AGBL4: variants seen among roughly 807,000 people sequenced by gnomAD.
AGBL4 encodes cytosolic carboxypeptidase 6.
A neutral mutation model predicts 66.4 loss-of-function variants in AGBL4; 58 were observed. The ratio of observed to expected loss-of-function variants is 0.87; its 90% CI spans 0.71 to 1.09. AGBL4 has a LOEUF of 1.09. Ranked by LOEUF, AGBL4 falls within the 50% of genes least tolerant of loss-of-function variation. The pLI is 0.00. For missense variants in AGBL4, 579 were observed against 631.0 expected (o/e 0.92, Z 0.88); for synonymous variants, 234 against 222.9 (o/e 1.05, Z -0.44).
intron 3 of AGBL4, among the ~76,000 whole-genome samples, chr1:49,422,422 G>A (rs768591786): frequency 7.9e-5 from 12 of 152,070 alleles, no homozygotes; most frequent in Non-Finnish European, 1.6e-4. Context: ...TCTGAATAAA[G>A]TTCTCAACTA....
At chr1:49,208,892 C>A (rs1382043084) in intron 4 of AGBL4, among the ~76,000 whole-genome samples, 1 of 151,990 alleles carries the variant, frequency 6.6e-6, no homozygotes, top group Non-Finnish European at 1.5e-5. Flanking sequence ...TATACGCAAA[C>A]ACACACACAA....
intron 6 of AGBL4, among the ~76,000 whole-genome samples, chr1:48,770,018 G>GA (rs1644733408): frequency 6.6e-6 from 1 of 152,056 alleles, no homozygotes; most frequent in Admixed American, 6.6e-5. Flanking sequence ...AAATACCCCT[G>GA]ACCTGCTTGC....
intron 5 of AGBL4, among the ~76,000 whole-genome samples, chr1:48,935,312 G>A (rs1213416760): frequency 2.6e-5 from 4 of 152,118 alleles, no homozygotes; most frequent in Admixed American, 2.6e-4. Context: ...TCCCTTACCA[G>A]AGTGTCTTTA....
At chr1:48,523,530 G>A in the AGBL4 span, among the ~76,000 whole-genome samples, 2 of 152,186 alleles carry the variant, frequency 1.3e-5, no homozygotes, top group Admixed American at 6.5e-5. Flanking sequence ...CTGGGTTAGT[G>A]CTCTTTCAAC....
chr1:49,739,426 T>C (rs905419289), intron 2 of AGBL4, among the ~76,000 whole-genome samples: 5 of 152,334 alleles, frequency 3.3e-5, no homozygotes, highest in Middle Eastern at 3.4e-3. Context: ...AATCTACGTC[T>C]GATTGGTGTA....
intron 3 of AGBL4, among the ~76,000 whole-genome samples, chr1:49,282,885 C>T (rs563994627): frequency 4.6e-5 from 7 of 152,182 alleles, no homozygotes; most frequent in East Asian, 1.9e-4. Flanking sequence ...CATGGAGTCT[C>T]GCTGACTGCT....
chr1:49,174,167 A>AT (rs1445758706), intron 4 of AGBL4, among the ~76,000 whole-genome samples: 2 of 152,138 alleles, frequency 1.3e-5, no homozygotes, highest in African/African-American at 4.8e-5. Flanking sequence ...AATGAAGTTA[A>AT]TTTTTTTAAA....
chr1:49,550,137 C>T (rs1036163205), intron 3 of AGBL4, among the ~76,000 whole-genome samples: 28 of 152,220 alleles, frequency 1.8e-4, no homozygotes, highest in African/African-American at 6.7e-4. Context: ...GCATGAAATG[C>T]CTTTTTCCAT....
chr1:49,804,928 T>C (rs1357487890), intron 2 of AGBL4, among the ~76,000 whole-genome samples: 1 of 152,200 alleles, frequency 6.6e-6, no homozygotes, highest in Non-Finnish European at 1.5e-5. Context: ...TTCCTGTTTC[T>C]TGGGTTGAAT....
At chr1:49,109,681 T>A (rs1645366661) in intron 4 of AGBL4, among the ~76,000 whole-genome samples, 1 of 152,196 alleles carries the variant, frequency 6.6e-6, no homozygotes, top group African/African-American at 2.4e-5. Context: ...GTGCCAGCAA[T>A]ACCATGGCTT....
intron 4 of AGBL4, among the ~76,000 whole-genome samples, chr1:49,157,408 G>T (rs1011764412): frequency 2.0e-5 from 3 of 152,096 alleles, no homozygotes; most frequent in Non-Finnish European, 4.4e-5. Context: ...CAAAGGACAT[G>T]ACCTCATCCT....
Position 49,846,671 on chromosome 1 carries a change from C to T in AGBL4, c.157+4725G>A, listed in dbSNP as rs149514628. Among the ~76,000 whole-genome samples, 318 of 152,116 alleles carry T rather than the reference C, an allele frequency of 2.1e-3. 1 individual carries two copies. The highest frequency in any genetic ancestry group is 7.5e-3 in the African/African-American group (310 of 41,496). ...TGAGAAACAACTCAAGGAGGCAACC[C>T]CATTTACAACAACTACAAAAAAATA... On this transcript the variant is annotated intron_variant, in intron 2 of 13. Coordinates refer to ENST00000371839, the MANE Select transcript of AGBL4 (RefSeq NM_032785.4).
intron 5 of AGBL4, among the ~76,000 whole-genome samples, chr1:48,928,001 C>T (rs1046631482): frequency 3.3e-5 from 5 of 152,144 alleles, no homozygotes; most frequent in African/African-American, 7.2e-5. Flanking sequence ...TAAGTGTATG[C>T]GTTTTTTATA....
chr1:49,230,696 T>C (rs1006442473), intron 4 of AGBL4, among the ~76,000 whole-genome samples: 1 of 152,224 alleles, frequency 6.6e-6, no homozygotes, highest in African/African-American at 2.4e-5. Context: ...TTCTCCCTAA[T>C]ATATTCATTT....
intron 3 of AGBL4, among the ~76,000 whole-genome samples, chr1:49,284,719 A>C (rs559769424): frequency 6.6e-6 from 1 of 152,038 alleles, no homozygotes; most frequent in African/African-American, 2.4e-5. Context: ...CAGGGGTTGC[A>C]ATCCTAGTCT....
intron 3 of AGBL4, among the ~76,000 whole-genome samples, chr1:49,548,184 G>A (rs926923244): frequency 1.4e-4 from 22 of 152,210 alleles, no homozygotes; most frequent in Admixed American, 1.0e-3. Context: ...TTCTTTTATC[G>A]GTTCCAGGAG....
At chr1:49,143,092 A>T (rs907386179) in intron 4 of AGBL4, among the ~76,000 whole-genome samples, 8 of 152,112 alleles carry the variant, frequency 5.3e-5, no homozygotes, top group Admixed American at 4.6e-4. Flanking sequence ...TGCCCTCAGG[A>T]CAAGCCATCA....
chr1:49,018,565 C>T (rs998288265), intron 5 of AGBL4, among the ~76,000 whole-genome samples: 1 of 152,162 alleles, frequency 6.6e-6, no homozygotes, highest in African/African-American at 2.4e-5. Flanking sequence ...ATGACAAAAT[C>T]CCCTTAGAAA....
At chr1:48,542,547 G>C (rs2148266778) in intron 11 of AGBL4, among the ~76,000 whole-genome samples, 1 of 152,316 alleles carries the variant, frequency 6.6e-6, no homozygotes, top group Middle Eastern at 3.4e-3. Flanking sequence ...ACTGGCGTGA[G>C]ATGGTATTTC....
Sources: allele counts gnomAD v4.1 joint callset (sites outside exome capture counted in the v4.1 genomes callset), GRCh38; gene constraint gnomAD v4.1.1; transcripts MANE v1.5; gene names NCBI Gene and HGNC (gene_info 2026-07-23, HGNC 2026-07-21).